ZNF536: variants seen among roughly 807,000 people sequenced by gnomAD.
The protein encoded by ZNF536 is zinc finger protein 536.
In ZNF536, 13 loss-of-function variants were observed where a neutral mutation model predicts 84.5. The ratio of observed to expected loss-of-function variants is 0.15; its 90% CI spans 0.10 to 0.24. The LOEUF is 0.24. Among genes scored for constraint, ZNF536 ranks in the 10% least tolerant of loss-of-function variants. The pLI is 1.00. For missense variants in ZNF536, 1,536 were observed against 1,747.5 expected, an observed-to-expected ratio of 0.88 and a Z score of 2.16; for synonymous variants, 811 against 742.5, an observed-to-expected ratio of 1.09 and a Z score of -1.50.
intron 1 of ZNF536, among the ~76,000 whole-genome samples, chr19:30,679,038 G>A (rs967068488): frequency 1.3e-5 from 2 of 151,936 alleles, no homozygotes; most frequent in African/African-American, 2.4e-5. Context: ...CTTCAACACC[G>A]AGCCAGCCGA....
intron 2 of ZNF536, among the ~76,000 whole-genome samples, chr19:30,338,716 G>A (rs1276498991): frequency 6.6e-6 from 1 of 152,128 alleles, no homozygotes; most frequent in Non-Finnish European, 1.5e-5. Flanking sequence ...TTGTTGTAAG[G>A]ATTTGAACTT....
At chr19:30,345,820 A>T (rs898651440) in intron 2 of ZNF536, among the ~76,000 whole-genome samples, 5 of 152,170 alleles carry the variant, frequency 3.3e-5, no homozygotes, top group African/African-American at 1.2e-4. Context: ...AGGTCGGCCT[A>T]CCTGAAAGGG....
rs150884109 is a variant in ZNF536 at position 30,549,393 on chromosome 19, G to A, written c.3774G>A (p.Leu1258=). ...AGCCGGAGCGGGGGCCCCAGAGCCT[G>A]GACAAGCCGATGAACATGCTGTCGG... ...LPKPERGPQS[L]DKPMNMLSVL... Residue 1258 remains leucine, a synonymous_variant, in exon 4 of 5, where the codon CTG becomes CTA. Coordinates refer to ENST00000355537, the MANE Select transcript of ZNF536 (RefSeq NM_014717.3). 6.3e-7 allele frequency: 1 copy of A among 1,594,732 alleles called. No homozygotes were observed.
chr19:30,712,517 A>C (rs1406345214), exon 2 of ZNF536: 1 of 152,206 alleles, frequency 6.6e-6, no homozygotes, highest in Non-Finnish European at 1.5e-5. Flanking sequence ...TGCCTACAGC[A>C]GTTTACAAAA....
chr19:30,353,089 G>C (rs540586786), intron 3 of ZNF536, among the ~76,000 whole-genome samples: 1 of 152,304 alleles, frequency 6.6e-6, no homozygotes, highest in Admixed American at 6.5e-5. Flanking sequence ...TTAAATCTTG[G>C]CTGTTGAGAA....
At chr19:30,631,997 A>G (rs961656081) in intron 1 of ZNF536, among the ~76,000 whole-genome samples, 3 of 152,168 alleles carry the variant, frequency 2.0e-5, no homozygotes, top group Non-Finnish European at 4.4e-5. Flanking sequence ...CACCTCCCCA[A>G]ACCACTATAG....
chr19:30,281,633 G>A (rs1359191745), intron 1 of ZNF536, among the ~76,000 whole-genome samples: 10 of 152,204 alleles, frequency 6.6e-5, no homozygotes, highest in Admixed American at 6.5e-4. Flanking sequence ...GCTCATCCAT[G>A]TTGCTGGGGA....
intron 1 of ZNF536, among the ~76,000 whole-genome samples, chr19:30,705,187 C>T (rs1882448858): frequency 6.6e-6 from 1 of 152,164 alleles, no homozygotes; most frequent in Admixed American, 6.5e-5. Flanking sequence ...AATATAATGG[C>T]TTATTCCGGG....
chr19:30,226,214 T>G (rs2022603576), upstream of ZNF536, among the ~76,000 whole-genome samples: 3 of 141,228 alleles, frequency 2.1e-5, no homozygotes, highest in Non-Finnish European at 1.5e-5. The surrounding 1 kb of genome is among the most constrained non-coding windows in gnomAD (Gnocchi z 4.6). Context: ...TTCAAGAGGG[T>G]CTGGGGGGTG....
Position 30,290,735 on chromosome 19 carries a change from A to C in ZNF536, c.-120+6594A>C, listed in dbSNP as rs375003418. Among the ~76,000 whole-genome samples, 9 of 152,296 alleles carry C rather than the reference A, an allele frequency of 5.9e-5. No individual in the cohort carries two copies. The South Asian group carries it at 1.9e-3, about 32-fold the overall frequency. ...TGTGTAGAATGTGCAGGTTTGTTACATAGGTACACATGTGCCATAGTAGTT... is the reference window on the plus strand; with the variant it reads ...TGTGTAGAATGTGCAGGTTTGTTACCTAGGTACACATGTGCCATAGTAGTT... On this transcript the variant is annotated intron_variant, in intron 2 of 5. Coordinates refer to the ZNF536 transcript ENST00000585628.
At chr19:30,539,054 GAAAGGAAAGAAAAGA>G (rs919931459) in intron 3 of ZNF536, among the ~76,000 whole-genome samples, 36 of 150,144 alleles carry the variant, frequency 2.4e-4, no homozygotes, top group African/African-American at 8.8e-4. Context: ...TAAAAGGAAA[GAAAGGAAAGAAAAGA>G]AAAGGAAAGA....
At chr19:30,350,240 C>T (rs1228867225) in intron 2 of ZNF536, among the ~76,000 whole-genome samples, 4 of 152,144 alleles carry the variant, frequency 2.6e-5, no homozygotes, top group African/African-American at 9.7e-5. Flanking sequence ...CAAATTTCGG[C>T]GTTTAAGCCT....
chr19:30,556,895 A>G (rs966255987), intron 4 of ZNF536: 8 of 427,940 alleles, frequency 1.9e-5, no homozygotes, highest in African/African-American at 1.6e-4. Flanking sequence ...TTGTGTGCAA[A>G]GCCCAGGGTT....
intron 2 of ZNF536, among the ~76,000 whole-genome samples, chr19:30,318,216 T>C (rs2046743618): frequency 6.6e-6 from 1 of 152,232 alleles, no homozygotes; most frequent in African/African-American, 2.4e-5. Context: ...TTCAGTTGCA[T>C]ATTTGCCCAG....
chr19:30,258,635 G>A (rs2025033431), intron 1 of ZNF536, among the ~76,000 whole-genome samples: 1 of 152,056 alleles, frequency 6.6e-6, no homozygotes, highest in Non-Finnish European at 1.5e-5. Flanking sequence ...GTGTATGTTT[G>A]TGTGATTAGT....
chr19:30,711,115 G>A (rs1353620347), exon 2 of ZNF536: 1 of 151,502 alleles, frequency 6.6e-6, no homozygotes, highest in African/African-American at 2.4e-5. Context: ...CCCCCCAATA[G>A]TGTATAGAAC....
Position 30,618,225 on chromosome 19 carries a change from T to C in ZNF536, c.169+68711T>C, listed in dbSNP as rs1166653338. Among the ~76,000 whole-genome samples, 9 of 152,230 alleles carry C rather than the reference T, an allele frequency of 5.9e-5. 1 individual carries two copies. In the South Asian group the frequency reaches 1.7e-3, roughly 28 times the overall value. ...ACTTAGGTAATTGGGTCTTGTTCAATTGATTGTTATGAAGTGTCTCTTAGT... is the reference window on the plus strand; with the variant it reads ...ACTTAGGTAATTGGGTCTTGTTCAACTGATTGTTATGAAGTGTCTCTTAGT... On this transcript the variant is annotated intron_variant, in intron 1 of 1. Transcript: ENST00000592773.
intron 1 of ZNF536, among the ~76,000 whole-genome samples, chr19:30,599,562 A>T (rs2047609486): frequency 6.7e-6 from 1 of 148,866 alleles, no homozygotes; most frequent in Admixed American, 6.8e-5. Context: ...ATATCCACTC[A>T]GCAAACCTTC....
At chr19:30,491,893 C>T (rs996016812) in intron 2 of ZNF536, among the ~76,000 whole-genome samples, 2 of 151,930 alleles carry the variant, frequency 1.3e-5, no homozygotes, top group Non-Finnish European at 2.9e-5. Flanking sequence ...GATAAAATCC[C>T]GTTAGCCATA....
Sources: gnomAD v4.1 joint callset for allele counts (sites outside exome capture counted in the v4.1 genomes callset) on GRCh38, gnomAD v4.1.1 for gene constraint, Gnocchi (gnomAD v3.1) non-coding constraint, MANE v1.5 for transcripts, NCBI Gene and HGNC (gene_info 2026-07-23, HGNC 2026-07-21) for gene names.